Variants in CDH8 observed in about 807,000 individuals in gnomAD.
The protein encoded by CDH8 is cadherin 8.
A neutral mutation model predicts 68.1 loss-of-function variants in CDH8; 17 were observed. The observed-to-expected ratio is 0.25, with a 90% CI of 0.17 to 0.37. The LOEUF is 0.37. CDH8 is among the 10% of genes least tolerant of loss of function. The pLI, the probability that CDH8 is intolerant of heterozygous loss-of-function variation, is 1.00. For missense variants in CDH8, 763 were observed against 999.3 expected, an observed-to-expected ratio of 0.76 and a Z score of 3.19; for synonymous variants, 372 against 365.1, an observed-to-expected ratio of 1.02 and a Z score of -0.21.
chr16:61,812,043 A>C (rs978444699), intron 7 of CDH8, among the ~76,000 whole-genome samples: 12 of 152,148 alleles, frequency 7.9e-5, no homozygotes, highest in Admixed American at 6.5e-4. Flanking sequence ...TGGATCCCTT[A>C]TTAAGTGCTC....
chr16:61,933,796 A>G (rs567303038), intron 2 of CDH8, among the ~76,000 whole-genome samples: 4 of 152,262 alleles, frequency 2.6e-5, no homozygotes, highest in African/African-American at 9.6e-5. Context: ...TACTAATTTA[A>G]GGTCTCATAT....
intron 10 of CDH8, among the ~76,000 whole-genome samples, chr16:61,675,627 T>TAAAAA (rs201984187): frequency 4.6e-5 from 2 of 43,654 alleles, no homozygotes; most frequent in Non-Finnish European, 4.1e-5. Context: ...ATAAAAAAAA[T>TAAAAA]AAAAAAAAAT....
At chr16:61,928,532 A>C (rs1597071976) in intron 2 of CDH8, among the ~76,000 whole-genome samples, 1 of 152,118 alleles carries the variant, frequency 6.6e-6, no homozygotes, top group Admixed American at 6.6e-5. Context: ...CCAACTCTAA[A>C]CCTGGAGACA....
intron 2 of CDH8, among the ~76,000 whole-genome samples, chr16:62,020,666 T>G (rs1178374402): frequency 6.6e-6 from 1 of 152,082 alleles, no homozygotes; most frequent in Non-Finnish European, 1.5e-5. Context: ...CCATCCTAGG[T>G]CAATTATTGA....
rs542340570 is a variant in CDH8, at chr16:61,957,641, T to C, written c.253-56168A>G. Among the ~76,000 whole-genome samples the C allele has an allele frequency of 3.3e-5, 5 of 152,196 alleles. No homozygotes were observed. The East Asian group carries it at 7.7e-4, about 23-fold the overall frequency. On this transcript the variant is annotated intron_variant, in intron 2 of 11. Transcript: ENST00000577390. ...ATGCTCACACATGCACACGCATTCATTGACTCTGTTCCAGCCACACAGGTT... is the reference window on the plus strand; with the variant it reads ...ATGCTCACACATGCACACGCATTCACTGACTCTGTTCCAGCCACACAGGTT...
At chr16:61,802,036 G>A (rs1343306650) in intron 7 of CDH8, among the ~76,000 whole-genome samples, 1 of 144,396 alleles carries the variant, frequency 6.9e-6, no homozygotes, top group Non-Finnish European at 1.5e-5. Flanking sequence ...CAAAGAGACA[G>A]CAGAAACCTC....
chr16:61,791,793 C>A (rs923935251), intron 7 of CDH8, among the ~76,000 whole-genome samples: 1 of 151,962 alleles, frequency 6.6e-6, no homozygotes, highest in African/African-American at 2.4e-5. Context: ...GTTTGTGAAT[C>A]CTTTATTCAA....
At chr16:61,751,579 G>T (rs547258014) in intron 8 of CDH8, among the ~76,000 whole-genome samples, 42 of 152,062 alleles carry the variant, frequency 2.8e-4, no homozygotes, top group African/African-American at 9.9e-4. Flanking sequence ...TTAACATGGT[G>T]AATTAAAACA....
At chr16:61,853,698 T>C (rs367946996) in intron 4 of CDH8, among the ~76,000 whole-genome samples, 35 of 152,244 alleles carry the variant, frequency 2.3e-4, no homozygotes, top group African/African-American at 8.4e-4. Flanking sequence ...CAGAGGTATG[T>C]GGGTCTTAGG....
chr16:61,681,095 T>A (rs945899338), intron 10 of CDH8, among the ~76,000 whole-genome samples: 5 of 151,928 alleles, frequency 3.3e-5, no homozygotes, highest in African/African-American at 1.2e-4. Flanking sequence ...AATGGGGTAG[T>A]CACTTTGGAA....
intron 5 of CDH8, among the ~76,000 whole-genome samples, chr16:61,824,632 C>T (rs1211575410): frequency 4.0e-5 from 6 of 151,832 alleles, no homozygotes; most frequent in Non-Finnish European, 7.4e-5. Flanking sequence ...GTCTTCCCTA[C>T]CTCGGGCACT....
intron 3 of CDH8, among the ~76,000 whole-genome samples, chr16:61,857,719 ATC>A (rs1481518171): frequency 2.6e-5 from 4 of 152,188 alleles, no homozygotes; most frequent in Admixed American, 2.0e-4. Context: ...ATAAAATTAG[ATC>A]TGAGTCACCA....
At chr16:61,861,333 G>A (rs567303414) in intron 3 of CDH8, among the ~76,000 whole-genome samples, 2 of 152,096 alleles carry the variant, frequency 1.3e-5, no homozygotes, top group Non-Finnish European at 2.9e-5. Flanking sequence ...ATTCAGATTC[G>A]TTTGTAAAGT....
At chr16:61,714,557 T>C (rs1462110812) in intron 9 of CDH8, among the ~76,000 whole-genome samples, 1 of 151,586 alleles carries the variant, frequency 6.6e-6, no homozygotes, top group Non-Finnish European at 1.5e-5. Flanking sequence ...GAATAAATTA[T>C]AGGGATTAGA....
At chr16:61,788,090 A>T (rs1166423360) in intron 8 of CDH8, among the ~76,000 whole-genome samples, 2 of 130,778 alleles carry the variant, frequency 1.5e-5, no homozygotes, top group African/African-American at 6.2e-5. Context: ...AAGTATAATA[A>T]AAAAAAAAAA....
rs79914989 is a variant in CDH8, at chr16:61,887,234, C to A, written c.547+13945G>T. 7.5e-4 allele frequency among the ~76,000 whole-genome samples: 113 copies of A among 151,592 alleles called. No individual in the cohort carries two copies. In the East Asian group the frequency reaches 0.02, roughly 27 times the overall value. Reference sequence around the variant, plus strand: ...ACATTGGTAATGATAATTTAGTAAACAGATTGTCCATGAACACATTTTAAA... The same window carrying A: ...ACATTGGTAATGATAATTTAGTAAAAAGATTGTCCATGAACACATTTTAAA... On this transcript the variant is annotated intron_variant, in intron 3 of 11. Transcript: ENST00000577390.
chr16:62,015,953 TCTTAA>T (rs1381499652), intron 2 of CDH8, among the ~76,000 whole-genome samples: 9 of 152,156 alleles, frequency 5.9e-5, no homozygotes, highest in African/African-American at 2.2e-4. Flanking sequence ...ACCCAGTCTA[TCTTAA>T]CTTATTATAC....
chr16:61,715,055 G>T (rs1160040930), intron 9 of CDH8, among the ~76,000 whole-genome samples: 2 of 151,512 alleles, frequency 1.3e-5, no homozygotes, highest in Non-Finnish European at 3.0e-5. Context: ...ATTGTATCAA[G>T]CACATGTTAT....
At chr16:61,883,567 T>C (rs1233164513) in intron 3 of CDH8, among the ~76,000 whole-genome samples, 2 of 151,852 alleles carry the variant, frequency 1.3e-5, no homozygotes, top group Non-Finnish European at 2.9e-5. Flanking sequence ...AATAGTGAGA[T>C]AAAGTTTCTT....
Sources: gnomAD v4.1 joint callset for allele counts (sites outside exome capture counted in the v4.1 genomes callset) on GRCh38, gnomAD v4.1.1 for gene constraint, MANE v1.5 for transcripts, NCBI Gene and HGNC (gene_info 2026-07-23, HGNC 2026-07-21) for gene names.